The following BNC2 variants were observed in gnomAD, a reference collection of about 807,000 sequenced individuals.
BNC2 encodes basonuclin zinc finger protein 2.
In BNC2, 20 loss-of-function variants were observed where a neutral mutation model predicts 76.3. The observed-to-expected ratio is 0.26, with a 90% CI of 0.18 to 0.38. The LOEUF (loss-of-function observed/expected upper bound fraction) is 0.38, where lower values mean the gene tolerates loss of function less well. Ranked by LOEUF, BNC2 falls within the 10% of genes least tolerant of loss-of-function variation. The pLI, the probability that BNC2 is intolerant of heterozygous loss-of-function variation, is 1.00. For synonymous variants in BNC2, 582 were observed against 514.8 expected (o/e 1.13, Z -1.77); for missense variants, 1,382 against 1,399.8 (o/e 0.99, Z 0.20).
chr9:16,704,306 G>C (rs1563907210), intron 3 of BNC2, among the ~76,000 whole-genome samples: 1 of 152,156 alleles, frequency 6.6e-6, no homozygotes, highest in Non-Finnish European at 1.5e-5. Flanking sequence ...GACGGCTAGA[G>C]TTTTCCCTAA....
chr9:16,864,353 A>C (rs1053465976), intron 1 of BNC2, among the ~76,000 whole-genome samples: 15 of 152,224 alleles, frequency 9.9e-5, no homozygotes, highest in Admixed American at 6.5e-4. Flanking sequence ...AGTACTAAAA[A>C]TAGTTATGTT....
chr9:16,598,098 TA>T (rs1162670859), intron 3 of BNC2, among the ~76,000 whole-genome samples: 1 of 152,200 alleles, frequency 6.6e-6, no homozygotes. Flanking sequence ...AAATCTTTGT[TA>T]CTATTCACAT....
chr9:16,747,032 C>G (rs77982943), intron 1 of BNC2, among the ~76,000 whole-genome samples: 7,695 of 151,674 alleles, frequency 0.051, 648 homozygotes, highest in African/African-American at 0.18. Context: ...ATTAAAACAT[C>G]TGAAATTCTT....
At chr9:16,827,405 C>G (rs972085836) in intron 1 of BNC2, among the ~76,000 whole-genome samples, 14 of 152,152 alleles carry the variant, frequency 9.2e-5, no homozygotes, top group African/African-American at 3.4e-4. Flanking sequence ...ACCCACTGAA[C>G]AGGAATTTGA....
At chr9:16,859,411 T>A (rs1284518379) in intron 1 of BNC2, among the ~76,000 whole-genome samples, 1 of 152,330 alleles carries the variant, frequency 6.6e-6, no homozygotes, top group Non-Finnish European at 1.5e-5. Context: ...CACAACAGCA[T>A]AATTCACAAG....
At chr9:16,731,008 T>C (rs1019043772) in intron 2 of BNC2, among the ~76,000 whole-genome samples, 2 of 152,188 alleles carry the variant, frequency 1.3e-5, no homozygotes, top group Non-Finnish European at 2.9e-5. Context: ...ATCCCCAAGA[T>C]ACATGATCTG....
intron 3 of BNC2, among the ~76,000 whole-genome samples, chr9:16,665,731 TG>T: frequency 6.6e-6 from 1 of 152,194 alleles, no homozygotes; most frequent in Non-Finnish European, 1.5e-5. Context: ...AACCAAGCCC[TG>T]GAACTGCACG....
At chr9:16,739,452 T>TAA (rs1270393832) in intron 1 of BNC2, among the ~76,000 whole-genome samples, 5 of 152,178 alleles carry the variant, frequency 3.3e-5, no homozygotes, top group East Asian at 1.9e-4. Flanking sequence ...GCAGATAACC[T>TAA]AAAGTCAGGA....
chr9:16,849,235 A>G (rs1466531289), intron 1 of BNC2, among the ~76,000 whole-genome samples: 1 of 152,032 alleles, frequency 6.6e-6, no homozygotes, highest in Non-Finnish European at 1.5e-5. Flanking sequence ...TCCCCCCACC[A>G]AAAAAATCTA....
At chr9:16,536,359 A>AT (rs1818129834) in intron 5 of BNC2, among the ~76,000 whole-genome samples, 1 of 152,314 alleles carries the variant, frequency 6.6e-6, no homozygotes, top group Non-Finnish European at 1.5e-5. Flanking sequence ...AAAATACCCT[A>AT]TGTGGTCTTT....
chr9:16,525,588 A>G (rs1273865329), intron 5 of BNC2, among the ~76,000 whole-genome samples: 2 of 152,198 alleles, frequency 1.3e-5, no homozygotes, highest in African/African-American at 4.8e-5. Context: ...AAGATCAAAA[A>G]TATGTTTCAT....
At chr9:16,743,582 T>C (rs1164488387) in intron 1 of BNC2, among the ~76,000 whole-genome samples, 1 of 152,188 alleles carries the variant, frequency 6.6e-6, no homozygotes, top group Non-Finnish European at 1.5e-5. Flanking sequence ...AACCCACAGC[T>C]GTGTGTGCTC....
At chr9:16,782,418 C>T (rs1456360914) in intron 1 of BNC2, among the ~76,000 whole-genome samples, 1 of 151,972 alleles carries the variant, frequency 6.6e-6, no homozygotes. Context: ...AAGTAAAATG[C>T]AGAGGAAAAT....
At chr9:16,659,486 T>C (rs1587283998) in intron 3 of BNC2, among the ~76,000 whole-genome samples, 1 of 151,642 alleles carries the variant, frequency 6.6e-6, no homozygotes, top group East Asian at 2.0e-4. Flanking sequence ...TGCATGCCTG[T>C]AATCCCAGCT....
intron 1 of BNC2, among the ~76,000 whole-genome samples, chr9:16,764,901 G>C (rs79070995): frequency 0.016 from 2,491 of 151,982 alleles, 62 homozygotes; most frequent in African/African-American, 0.055. Context: ...GGGAAAGAAG[G>C]AGGGAAGGAG....
intron 3 of BNC2, among the ~76,000 whole-genome samples, chr9:16,631,499 T>G (rs1052664991): frequency 6.6e-6 from 1 of 152,144 alleles, no homozygotes; most frequent in Non-Finnish European, 1.5e-5. Context: ...CAGAAATAAC[T>G]AGGTTAATAA....
intron 3 of BNC2, among the ~76,000 whole-genome samples, chr9:16,632,900 T>G (rs1821207615): frequency 6.6e-6 from 1 of 152,114 alleles, no homozygotes; most frequent in Non-Finnish European, 1.5e-5. Flanking sequence ...ATAATCGAGT[T>G]TTATAGGAGG....
chr9:16,817,437 G>C (rs1349632325), intron 1 of BNC2, among the ~76,000 whole-genome samples: 1 of 152,162 alleles, frequency 6.6e-6, no homozygotes, highest in Non-Finnish European at 1.5e-5. Flanking sequence ...TGGATGTCTG[G>C]AAAATATAAG....
chr9:16,653,461 T>TA (rs1363030937), intron 3 of BNC2, among the ~76,000 whole-genome samples: 2 of 151,954 alleles, frequency 1.3e-5, no homozygotes, highest in East Asian at 3.9e-4. Flanking sequence ...ACAAATGAAA[T>TA]AAAAAGGGCT....
Sources: allele counts gnomAD v4.1 joint callset (sites outside exome capture counted in the v4.1 genomes callset), GRCh38; gene constraint gnomAD v4.1.1; transcripts MANE v1.5; gene names NCBI Gene and HGNC (gene_info 2026-07-23, HGNC 2026-07-21).